XIAP: variants seen among roughly 807,000 people sequenced by gnomAD.
XIAP encodes E3 ubiquitin-protein ligase XIAP.
A neutral mutation model predicts 33.1 loss-of-function variants in XIAP; 3 were observed. The ratio of observed to expected loss-of-function variants is 0.09; its 90% CI spans 0.04 to 0.23. The LOEUF (loss-of-function observed/expected upper bound fraction) is 0.23. Among genes scored for constraint, XIAP ranks in the 10% least tolerant of loss-of-function variants. The pLI is 1.00. For missense variants in XIAP, 264 were observed against 363.0 expected (o/e 0.73, Z 2.22); for synonymous variants, 98 against 121.3 (o/e 0.81, Z 1.26).
At position 123,903,630 on chromosome X, in the gene XIAP, TGTTTTG is replaced by T. The variant is rs1569479497; in HGVS notation, c.1300+2938_1300+2943del. Among the ~76,000 whole-genome samples the T allele has an allele frequency of 3.5e-4, 32 of 90,724 alleles. 1 individual carries two copies. Among genetic ancestry groups the T allele is most frequent in the Middle Eastern group, 6.1e-3 (1 of 163 alleles). 78.8% of individuals were successfully genotyped at this position (90,724 alleles called of 115,157 possible). A position where few individuals can be genotyped will look rare whatever the true frequency, so the allele number is the denominator to read the frequency against. On this transcript the variant is annotated intron_variant, in intron 6 of 6. Coordinates refer to ENST00000371199, the MANE Select transcript of XIAP (RefSeq NM_001167.4). ...TGGGGTTTGTTTCAGTTTTTTTTTT[TGTTTTG>T]TTTTTTGTTTTTTTTAGATTTTAAA...
chrX:123,876,396 A>T (rs747396802), intron 1 of XIAP, among the ~76,000 whole-genome samples: 5 of 111,455 alleles, frequency 4.5e-5, no homozygotes, highest in Non-Finnish European at 9.4e-5. Context: ...CATTCACTCC[A>T]GCATTGTTCA....
intron 1 of XIAP, among the ~76,000 whole-genome samples, chrX:123,884,403 G>C (rs1322652353): frequency 9.2e-6 from 1 of 109,148 alleles, no homozygotes; most frequent in Non-Finnish European, 1.9e-5. Context: ...ATAATTGCTT[G>C]AACCTGGGAG....
At chrX:123,881,805 G>C (rs978912167) in intron 1 of XIAP, among the ~76,000 whole-genome samples, 25 of 106,376 alleles carry the variant, frequency 2.4e-4, no homozygotes, top group African/African-American at 7.6e-4. Flanking sequence ...ACCCAGGCTG[G>C]AGTGCAGTGG....
intron 5 of XIAP, 95 bp from the exon 6 acceptor site, chrX:123,900,397 AT>A: frequency 1.3e-6 from 1 of 794,272 alleles, no homozygotes; most frequent in Non-Finnish European, 1.8e-6. Context: ...TTGCTCCTTA[AT>A]TTTTTCATTT....
intron 1 of XIAP, among the ~76,000 whole-genome samples, chrX:123,864,767 CGTGTG>C (rs2053116777): frequency 1.9e-5 from 1 of 52,665 alleles, no homozygotes; most frequent in Non-Finnish European, 3.3e-5. Flanking sequence ...GTCGCATTCT[CGTGTG>C]TGTGTGTGTG....
intron 6 of XIAP, among the ~76,000 whole-genome samples, chrX:123,901,878 G>T (rs1396681191): frequency 1.8e-5 from 2 of 110,028 alleles, no homozygotes; most frequent in Non-Finnish European, 3.8e-5. Context: ...TGTCGCCCAG[G>T]CTGGAGTGCA....
rs5911725 is a variant in XIAP, at chrX:123,913,603, T to A, written c.*6422T>A. ...TTACCACTTTCTTATTCTGTATCAT[T>A]AATGTAATATTTTAAATTACTATAT... is the stretch of plus-strand genomic sequence containing the variant. On this transcript the variant is annotated 3_prime_UTR_variant, in exon 7 of 7. Transcript: ENST00000371199. 0.051 allele frequency: 16,223 copies of A among 320,842 alleles called. 395 individuals carry two copies. The highest frequency in any genetic ancestry group is 0.068 in the Non-Finnish European group (11,374 of 167,628). 26.4% of individuals were successfully genotyped at this position (320,842 alleles called of 1,213,427 possible).
chrX:123,884,298 A>C (rs1162645638), intron 1 of XIAP, among the ~76,000 whole-genome samples: 3 of 111,083 alleles, frequency 2.7e-5, no homozygotes, highest in Non-Finnish European at 5.7e-5. Context: ...AGCCTGACCA[A>C]CCTGGAGAAA....
In XIAP at chrX:123,912,942, G is replaced by A. The variant is rs1488346515; in HGVS notation, c.*5761G>A. 6 of 300,670 alleles carry A rather than the reference G, an allele frequency of 2.0e-5. No individual in the cohort carries two copies. The highest frequency in any genetic ancestry group is 1.0e-4 in the East Asian group (1 of 9,847). The allele number at this position is 300,670 out of a possible 1,213,427, so 24.8% of individuals were successfully genotyped here. A position where few individuals can be genotyped will look rare whatever the true frequency, so the allele number is the denominator to read the frequency against. On this transcript the variant is annotated 3_prime_UTR_variant, in exon 7 of 7. Coordinates refer to ENST00000371199, the MANE Select transcript of XIAP (RefSeq NM_001167.4). ...ATTACAGGCGTGAGCCACCACGGCCGGCTAATTTTTGTATTTTTTAGTAGT... is the reference window on the plus strand; with the variant it reads ...ATTACAGGCGTGAGCCACCACGGCCAGCTAATTTTTGTATTTTTTAGTAGT...
intron 1 of XIAP, 123 bp downstream of exon 1, chrX:123,860,416 G>T (rs1169298106): frequency 3.5e-6 from 1 of 288,198 alleles, no homozygotes; most frequent in African/African-American, 2.7e-5. Flanking sequence ...CGGGAAGGCC[G>T]CGCCAGCCCA....
Position 123,909,342 on chromosome X carries a change from A to T in XIAP, c.*2161A>T, listed in dbSNP as rs766275005. 1 of 329,028 alleles carries T rather than the reference A, an allele frequency of 3.0e-6. No individual in the cohort carries two copies. Among genetic ancestry groups the T allele is most frequent in the South Asian group, 2.6e-5 (1 of 38,473 alleles). 27.1% of individuals were successfully genotyped at this position (329,028 alleles called of 1,213,427 possible). A position where few individuals can be genotyped will look rare whatever the true frequency, so the allele number is the denominator to read the frequency against. ...CACCACGCCCGGCTAAAACATTGCAAATTTAAATGAGAGTTTTAAAAATTA... is the reference window on the plus strand; with the variant it reads ...CACCACGCCCGGCTAAAACATTGCATATTTAAATGAGAGTTTTAAAAATTA... On this transcript the variant is annotated 3_prime_UTR_variant, in exon 7 of 7. Coordinates refer to ENST00000371199, the MANE Select transcript of XIAP (RefSeq NM_001167.4).
intron 3 of XIAP, among the ~76,000 whole-genome samples, chrX:123,890,790 A>T (rs2053400688): frequency 1.8e-5 from 2 of 109,663 alleles, no homozygotes; most frequent in South Asian, 7.9e-4. Flanking sequence ...AAAAATACAA[A>T]ATTAGCCGGG....
intron 5 of XIAP, among the ~76,000 whole-genome samples, chrX:123,895,910 C>T (rs946423364): frequency 9.2e-6 from 1 of 109,215 alleles, no homozygotes; most frequent in Admixed American, 9.9e-5. Flanking sequence ...TACAGGTGCT[C>T]ACCACCATAC....
At chrX:123,897,084 A>G (rs1451646044) in intron 5 of XIAP, among the ~76,000 whole-genome samples, 1 of 108,154 alleles carries the variant, frequency 9.2e-6, no homozygotes, top group Non-Finnish European at 1.9e-5. Flanking sequence ...GGCGTGCACC[A>G]CCATGCCTGG....
Position 123,913,179 on chromosome X carries a change from T to C in XIAP, c.*5998T>C, listed in dbSNP as rs1476195050. On this transcript the variant is annotated 3_prime_UTR_variant, in exon 7 of 7. Transcript: ENST00000371199. ...GCAAGGGACAATTGTATCTTCAAAG[T>C]AGACAAATGGCGCCGGGCACGGTGG... The C allele has an allele frequency of 3.0e-6, 1 of 328,545 alleles. No individual in the cohort carries two copies. The highest frequency in any genetic ancestry group is 5.9e-6 in the Non-Finnish European group (1 of 169,802). 27.1% of individuals were successfully genotyped at this position (328,545 alleles called of 1,213,427 possible). A position where few individuals can be genotyped will look rare whatever the true frequency, so the allele number is the denominator to read the frequency against.
At chrX:123,901,404 T>C (rs2053513394) in intron 6 of XIAP, among the ~76,000 whole-genome samples, 1 of 110,930 alleles carries the variant, frequency 9.0e-6, no homozygotes, top group Non-Finnish European at 1.9e-5. Context: ...GTATCTCTCC[T>C]TTAAGGATGA....
chrX:123,861,030 G>A (rs985833430), intron 1 of XIAP, among the ~76,000 whole-genome samples: 14 of 111,613 alleles, frequency 1.3e-4, no homozygotes, highest in African/African-American at 4.6e-4. Context: ...TAAGACTGGA[G>A]GTTGCAGTAG....
In XIAP at chrX:123,900,498, A is replaced by G. The variant is rs1312793462; in HGVS notation, c.1105A>G (p.Thr369Ala). The G allele has an allele frequency of 5.0e-6, 6 of 1,205,243 alleles. No homozygotes were observed. In the African/African-American group the frequency reaches 5.3e-5, roughly 11 times the overall value. Residue 369 changes from threonine (T) to alanine (A), a missense_variant, in exon 6 of 7, where the codon ACC becomes GCC. Coordinates refer to ENST00000371199, the MANE Select transcript of XIAP (RefSeq NM_001167.4). ...CTCACCAATTTTTATTTCAGATGAT[A>G]CCATCTTCCAAAATCCTATGGTACA... ...TPSLTRRIDD[T>A]IFQNPMVQEA...
In XIAP at chrX:123,912,056, T is replaced by TA. The variant is rs1456408643; in HGVS notation, c.*4875_*4876insA. ...TCTTGAAAGGTCCAAATGTTTATGTTTTCAACTACTCTTTCCACTGTACCA... is the reference window on the plus strand; with the variant it reads ...TCTTGAAAGGTCCAAATGTTTATGTTATTCAACTACTCTTTCCACTGTACCA... On this transcript the variant is annotated 3_prime_UTR_variant, in exon 7 of 7. Coordinates refer to ENST00000371199, the MANE Select transcript of XIAP (RefSeq NM_001167.4). The TA allele has an allele frequency of 3.1e-6, 1 of 326,355 alleles. No individual in the cohort carries two copies. Among genetic ancestry groups the TA allele is most frequent in the Admixed American group, 3.2e-5 (1 of 31,686 alleles). The allele number at this position is 326,355 out of a possible 1,213,427, so 26.9% of individuals were successfully genotyped here. A position where few individuals can be genotyped will look rare whatever the true frequency, so the allele number is the denominator to read the frequency against.
Sources: allele counts gnomAD v4.1 joint callset (sites outside exome capture counted in the v4.1 genomes callset), GRCh38; gene constraint gnomAD v4.1.1; transcripts MANE v1.5; gene names NCBI Gene and HGNC (gene_info 2026-07-23, HGNC 2026-07-21).